B3GALT1: variants seen among roughly 807,000 people sequenced by gnomAD.
B3GALT1 encodes UDP-Gal:betaGlcNAc beta 1,3-galactosyltransferase, polypeptide 1.
A neutral mutation model predicts 23.2 loss-of-function variants in B3GALT1; 10 were observed. That is an observed-to-expected ratio of 0.43 (90% CI 0.27 to 0.73). B3GALT1 has a LOEUF of 0.73. B3GALT1 is among the 30% of genes least tolerant of loss of function. B3GALT1 has a pLI of 0.21. For synonymous variants in B3GALT1, 156 were observed against 141.5 expected (o/e 1.10, Z -0.73); for missense variants, 299 against 405.4 (o/e 0.74, Z 2.25).
chr2:167,658,724 A>G (rs1306789574), intron 3 of B3GALT1, among the ~76,000 whole-genome samples: 1 of 152,126 alleles, frequency 6.6e-6, no homozygotes, highest in Non-Finnish European at 1.5e-5. Flanking sequence ...ACTGCCTCAT[A>G]TCTACTTATT....
At chr2:167,494,586 T>C (rs1362425763) in intron 2 of B3GALT1, among the ~76,000 whole-genome samples, 2 of 152,176 alleles carry the variant, frequency 1.3e-5, no homozygotes. Flanking sequence ...TGGTGAAATT[T>C]CAGGTAGTTT....
At chr2:167,467,091 T>C (rs1410538888) in intron 1 of B3GALT1, among the ~76,000 whole-genome samples, 1 of 151,658 alleles carries the variant, frequency 6.6e-6, no homozygotes, top group African/African-American at 2.4e-5. Flanking sequence ...TCCGGATGGA[T>C]GCAAATTTGT....
intron 2 of B3GALT1, among the ~76,000 whole-genome samples, chr2:167,608,464 T>G (rs1279614493): frequency 6.6e-6 from 1 of 152,190 alleles, no homozygotes; most frequent in Non-Finnish European, 1.5e-5. Context: ...TAATTCTTAA[T>G]CTTTTAAATT....
intron 1 of B3GALT1, among the ~76,000 whole-genome samples, chr2:167,383,483 C>G (rs1325466393): frequency 6.6e-6 from 1 of 152,136 alleles, no homozygotes; most frequent in African/African-American, 2.4e-5. Context: ...GAGGTGGTCA[C>G]TGACCTTCCT....
intron 3 of B3GALT1, among the ~76,000 whole-genome samples, chr2:167,786,039 A>C (rs1408351567): frequency 1.3e-5 from 2 of 152,218 alleles, no homozygotes; most frequent in African/African-American, 2.4e-5. Context: ...TGTTCCCACT[A>C]GTCAGATTTT....
intron 3 of B3GALT1, among the ~76,000 whole-genome samples, chr2:167,679,124 T>TTTG (rs1553478343): frequency 7.3e-5 from 11 of 150,986 alleles, no homozygotes; most frequent in African/African-American, 2.4e-4. Context: ...TTGTTTTTGT[T>TTTG]TTTTTTTTTG....
chr2:167,470,766 A>G (rs1162603523), intron 1 of B3GALT1, among the ~76,000 whole-genome samples: 2 of 152,214 alleles, frequency 1.3e-5, no homozygotes, highest in African/African-American at 4.8e-5. Context: ...ACTTTGAGAG[A>G]TATAGCAAAC....
At chr2:167,320,087 A>G (rs1696784860) in intron 1 of B3GALT1, among the ~76,000 whole-genome samples, 1 of 152,116 alleles carries the variant, frequency 6.6e-6, no homozygotes, top group Non-Finnish European at 1.5e-5. Context: ...GAAATAAAAT[A>G]AAACCTGCCT....
chr2:167,855,702 G>A (rs527632648), intron 4 of B3GALT1, among the ~76,000 whole-genome samples: 12 of 152,176 alleles, frequency 7.9e-5, no homozygotes, highest in East Asian at 7.7e-4. Flanking sequence ...CTGATATTTT[G>A]TATGGTTTCA....
intron 2 of B3GALT1, among the ~76,000 whole-genome samples, chr2:167,574,205 C>T (rs1033309762): frequency 6.6e-6 from 1 of 151,670 alleles, no homozygotes; most frequent in Non-Finnish European, 1.5e-5. Flanking sequence ...TCTACAAGGG[C>T]ATTTGCATTC....
chr2:167,576,569 ACAT>A (rs1186248690), intron 2 of B3GALT1, among the ~76,000 whole-genome samples: 1 of 147,814 alleles, frequency 6.8e-6, no homozygotes, highest in African/African-American at 2.5e-5. Flanking sequence ...TCACTGAGTA[ACAT>A]TTGATACAAT....
intron 1 of B3GALT1, among the ~76,000 whole-genome samples, chr2:167,370,868 G>T (rs192659008): frequency 1.3e-5 from 2 of 152,152 alleles, no homozygotes; most frequent in African/African-American, 4.8e-5. Context: ...GGAGGTTGCA[G>T]TGAGCTGAGA....
At chr2:167,731,892 T>A (rs1687416499) in intron 3 of B3GALT1, among the ~76,000 whole-genome samples, 1 of 152,198 alleles carries the variant, frequency 6.6e-6, no homozygotes, top group South Asian at 2.1e-4. Flanking sequence ...TTAATTGTCT[T>A]TTCCAAGATA....
chr2:167,630,328 G>A (rs1225365028), intron 2 of B3GALT1, among the ~76,000 whole-genome samples: 1 of 151,682 alleles, frequency 6.6e-6, no homozygotes, highest in Non-Finnish European at 1.5e-5. Context: ...CTTAAAAAAT[G>A]TATGAAGAAG....
At chr2:167,496,297 C>T (rs926176950) in intron 2 of B3GALT1, among the ~76,000 whole-genome samples, 1 of 152,090 alleles carries the variant, frequency 6.6e-6, no homozygotes, top group Non-Finnish European at 1.5e-5. Context: ...CCTTAAGTTC[C>T]AGAATAAGGA....
rs117438352 is a variant in B3GALT1 at position 167,353,518 on chromosome 2, A to G, written c.-511+60184A>G. On this transcript the variant is annotated intron_variant, in intron 1 of 4. Coordinates refer to ENST00000392690, the MANE Select transcript of B3GALT1 (RefSeq NM_020981.4). ...AGCTATTTTTATATAAGCATTCTCA[A>G]TGTTGCTGGGTAGGATATTCTCTAA... Among the ~76,000 whole-genome samples, 121 of 152,064 alleles carry G rather than the reference A, an allele frequency of 8.0e-4. 1 individual carries two copies. The East Asian group carries it at 0.015, about 19-fold the overall frequency.
At chr2:167,800,648 G>C (rs1033915277) in intron 3 of B3GALT1, among the ~76,000 whole-genome samples, 2 of 152,166 alleles carry the variant, frequency 1.3e-5, no homozygotes, top group Non-Finnish European at 2.9e-5. Context: ...CTATTGGACA[G>C]CCTTTGGAAA....
intron 3 of B3GALT1, among the ~76,000 whole-genome samples, chr2:167,765,002 G>A (rs928126267): frequency 2.6e-5 from 4 of 152,134 alleles, no homozygotes; most frequent in Non-Finnish European, 5.9e-5. Context: ...GATCATAATG[G>A]AGATGGGAAC....
intron 2 of B3GALT1, among the ~76,000 whole-genome samples, chr2:167,572,375 C>T (rs933862676): frequency 1.3e-5 from 2 of 151,704 alleles, no homozygotes; most frequent in East Asian, 1.9e-4. Context: ...TTAAAGTTAT[C>T]GACATTTTCA....
Sources: gnomAD v4.1 joint callset for allele counts (sites outside exome capture counted in the v4.1 genomes callset) on GRCh38, gnomAD v4.1.1 for gene constraint, MANE v1.5 for transcripts, NCBI Gene and HGNC (gene_info 2026-07-23, HGNC 2026-07-21) for gene names.